RGCC: variants seen among roughly 807,000 people sequenced by gnomAD.
The protein encoded by RGCC is regulator of cell cycle RGCC.
Under a neutral mutation model 15.4 loss-of-function variants are expected in RGCC, and 15 were observed. The ratio of observed to expected loss-of-function variants is 0.97; its 90% CI spans 0.65 to 1.50. RGCC has a LOEUF of 1.50. Among genes scored for constraint, RGCC ranks in the 40% most tolerant of loss-of-function variants. RGCC has a pLI of 0.00. For missense variants in RGCC, 176 were observed against 189.7 expected, an observed-to-expected ratio of 0.93 and a Z score of 0.42; for synonymous variants, 81 against 78.0, an observed-to-expected ratio of 1.04 and a Z score of -0.20.
chr13:41,460,094 T>C (rs1040077710), intron 2 of RGCC, among the ~76,000 whole-genome samples: 5 of 152,220 alleles, frequency 3.3e-5, no homozygotes, highest in African/African-American at 1.2e-4. Flanking sequence ...GCTTAGGTTA[T>C]ATGTGTCTGT....
rs1044210898 is a variant in RGCC, at chr13:41,458,206, G to C, written c.50-79G>C. The C allele has an allele frequency of 3.1e-5, 38 of 1,207,006 alleles. No individual in the cohort carries two copies. The highest frequency in any genetic ancestry group is 4.1e-5 in the Non-Finnish European group (36 of 881,762). 74.8% of individuals were successfully genotyped at this position (1,207,006 alleles called of 1,614,324 possible). ...AGTGTCAGTTATCTTCGGGAACCGTGGCGGCCCCTCCTGGCCCTGGGAGGT... is the reference window on the plus strand; with the variant it reads ...AGTGTCAGTTATCTTCGGGAACCGTCGCGGCCCCTCCTGGCCCTGGGAGGT... On this transcript the variant is annotated intron_variant, in intron 1 of 4. Transcript: ENST00000379359. This position sits in a 1 kb window ranked among gnomAD's most constrained non-coding sequence, Gnocchi z 4.4.
intron 2 of RGCC, among the ~76,000 whole-genome samples, chr13:41,466,043 T>C (rs1263651128): frequency 1.3e-5 from 2 of 151,940 alleles, no homozygotes; most frequent in Non-Finnish European, 2.9e-5. Flanking sequence ...CAAGGGCCTT[T>C]GGTATACTTG....
intron 4 of RGCC, 48 bp from the exon 5 acceptor site, chr13:41,470,430 G>C (rs1011672609): frequency 1.2e-6 from 2 of 1,600,050 alleles, no homozygotes; most frequent in Non-Finnish European, 1.7e-6. Flanking sequence ...TTAAGCATAG[G>C]AATTGTGAGC....
chr13:41,459,503 G>C (rs113238957), intron 2 of RGCC, among the ~76,000 whole-genome samples: 1 of 152,070 alleles, frequency 6.6e-6, no homozygotes, highest in African/African-American at 2.4e-5. Context: ...GCTAAGATTC[G>C]GGGCTAGACA....
intron 2 of RGCC, among the ~76,000 whole-genome samples, chr13:41,461,782 C>T (rs1189280715): frequency 1.3e-5 from 2 of 152,190 alleles, no homozygotes; most frequent in East Asian, 3.9e-4. Flanking sequence ...ACCTTGTGGG[C>T]CCTGGAGAAC....
In RGCC at chr13:41,465,938, G is replaced by A. The variant is rs77309019; in HGVS notation, c.236-885G>A. 3.1e-3 allele frequency among the ~76,000 whole-genome samples: 474 copies of A among 152,156 alleles called. 4 individuals carry two copies. The highest frequency in any genetic ancestry group is 0.011 in the African/African-American group (457 of 41,488). ...AGAAGGGACATATTTCACTTGAGAT[G>A]ATTCCTTTTGCCTAAAATCCTTACC... On this transcript the variant is annotated intron_variant, in intron 2 of 4. Transcript: ENST00000379359.
At chr13:41,463,474 TGTGTGTGTGTGTG>T (rs2043831767) in intron 2 of RGCC, among the ~76,000 whole-genome samples, 1 of 858 alleles carries the variant, frequency 1.2e-3, no homozygotes, top group Non-Finnish European at 0.012. Context: ...TGTATCTGTG[TGTGTGTGTGTGTG>T]TGTGTGTGTG....
chr13:41,469,295 TAAGAAGAAGAAGAAGAAG>T (rs370476569), intron 4 of RGCC, among the ~76,000 whole-genome samples: 18 of 86,740 alleles, frequency 2.1e-4, no homozygotes, highest in African/African-American at 5.2e-4. Context: ...ATAATAATAA[TAAGAAGAAGAAGAAGAAG>T]AAGAAGAAGA....
In RGCC at chr13:41,462,760, C is replaced by T. The variant is rs562076702; in HGVS notation, c.236-4063C>T. Among the ~76,000 whole-genome samples, 21 of 152,314 alleles carry T rather than the reference C, an allele frequency of 1.4e-4. 1 individual carries two copies. In the South Asian group the frequency reaches 3.5e-3, roughly 26 times the overall value. ...AGGGGAGGGAAAAGAACAGGATGTC[C>T]GGCTTTGCCTACCTTGAAATCTGTC... On this transcript the variant is annotated intron_variant, in intron 2 of 4. Transcript: ENST00000379359.
In RGCC at chr13:41,457,823, C is replaced by T; in HGVS notation, c.49+67C>T. 1 of 1,351,640 alleles carries T rather than the reference C, an allele frequency of 7.4e-7. No individual in the cohort carries two copies. The highest frequency in any genetic ancestry group is 9.5e-7 in the Non-Finnish European group (1 of 1,051,510). 83.7% of individuals were successfully genotyped at this position (1,351,640 alleles called of 1,614,324 possible). Reference sequence around the variant, plus strand: ...CAGATGGCGGGTGAGAAAGGAGGGGCCCCGTGTCGTCCCTTCACACCCCCC... The same window carrying T: ...CAGATGGCGGGTGAGAAAGGAGGGGTCCCGTGTCGTCCCTTCACACCCCCC... On this transcript the variant is annotated intron_variant, in intron 1 of 4. Transcript: ENST00000379359. This position sits in a 1 kb window ranked among gnomAD's most constrained non-coding sequence, Gnocchi z 4.9.
chr13:41,457,977 G>C lies in RGCC; in HGVS notation c.49+221G>C, dbSNP rs1236350720. Among the ~76,000 whole-genome samples, 1 of 152,000 alleles carries C rather than the reference G, an allele frequency of 6.6e-6. No homozygotes were observed. Among genetic ancestry groups the C allele is most frequent in the Non-Finnish European group, 1.5e-5 (1 of 67,954 alleles). Reference sequence around the variant, plus strand: ...CACCACCAGCTCCGCGCGCGCCCGGGGTTGGGGGGAGCGGCGGGGACAGGT... The same window carrying C: ...CACCACCAGCTCCGCGCGCGCCCGGCGTTGGGGGGAGCGGCGGGGACAGGT... On this transcript the variant is annotated intron_variant, in intron 1 of 4. Coordinates refer to ENST00000379359, the MANE Select transcript of RGCC (RefSeq NM_014059.3). This position sits in a 1 kb window ranked among gnomAD's most constrained non-coding sequence, Gnocchi z 4.9.
At chr13:41,463,874 T>C (rs1021579076) in intron 2 of RGCC, among the ~76,000 whole-genome samples, 2 of 152,192 alleles carry the variant, frequency 1.3e-5, no homozygotes, top group African/African-American at 4.8e-5. Context: ...CATATCTAGA[T>C]TGTTCCTTCT....
intron 2 of RGCC, chr13:41,464,167 G>A (rs2043836531): frequency 6.6e-6 from 1 of 152,516 alleles, no homozygotes; most frequent in South Asian, 2.1e-4. Context: ...CAGGGATGGG[G>A]GCGAAGCTCT....
chr13:41,469,943 T>C (rs1357633967), intron 4 of RGCC, among the ~76,000 whole-genome samples: 2 of 152,006 alleles, frequency 1.3e-5, no homozygotes, highest in Non-Finnish European at 2.9e-5. Context: ...CTACGGGGGG[T>C]CCTGTTTAGT....
intron 3 of RGCC, 37 bp from the exon 4 acceptor site, chr13:41,468,739 T>C: frequency 5.9e-6 from 4 of 680,170 alleles, no homozygotes; most frequent in Non-Finnish European, 8.2e-6. Context: ...GAAACTGAAC[T>C]CTCTCTCTCT....
chr13:41,466,993 T>A, intron 3 of RGCC, 63 bp downstream of exon 3: 1 of 1,005,400 alleles, frequency 9.9e-7, no homozygotes, highest in Non-Finnish European at 1.6e-6. Flanking sequence ...TCTCAATCCC[T>A]TCTCTGTCCC....
rs373887955 is a variant in RGCC at position 41,461,814 on chromosome 13, T to C, written c.235+3344T>C. The stretch of plus-strand genomic sequence containing the variant: ...GAACCAGCATGACAGATGGCTTATG[T>C]GGCTTAGAAGCCACTGAGGTAGAAC... On this transcript the variant is annotated intron_variant, in intron 2 of 4. Coordinates refer to ENST00000379359, the MANE Select transcript of RGCC (RefSeq NM_014059.3). 1.6e-3 allele frequency among the ~76,000 whole-genome samples: 246 copies of C among 152,332 alleles called. 1 individual carries two copies. Among genetic ancestry groups the C allele is most frequent in the African/African-American group, 5.4e-3 (225 of 41,574 alleles).
In RGCC at chr13:41,458,564, C is replaced by G. The variant is rs1271728997; in HGVS notation, c.235+94C>G. The G allele has an allele frequency of 7.7e-7, 1 of 1,303,956 alleles. No individual in the cohort carries two copies. The highest frequency in any genetic ancestry group is 1.5e-5 in the African/African-American group (1 of 67,162). 80.8% of individuals were successfully genotyped at this position (1,303,956 alleles called of 1,614,324 possible). A position where few individuals can be genotyped will look rare whatever the true frequency, so the allele number is the denominator to read the frequency against. On this transcript the variant is annotated intron_variant, in intron 2 of 4. Transcript: ENST00000379359. This position sits in a 1 kb window ranked among gnomAD's most constrained non-coding sequence, Gnocchi z 4.4. ...CGGCCTCAGTTTTCTTATCAGTAAA[C>G]TGAGGAATGGTTTCCTGAAGCTCAA...
At chr13:41,468,276 A>G (rs993639946) in intron 3 of RGCC, among the ~76,000 whole-genome samples, 5 of 152,250 alleles carry the variant, frequency 3.3e-5, no homozygotes, top group Admixed American at 3.3e-4. Context: ...AGAATGCATC[A>G]GAAGGCTAGT....
Sources: allele counts gnomAD v4.1 joint callset (sites outside exome capture counted in the v4.1 genomes callset), GRCh38; gene constraint gnomAD v4.1.1; non-coding constraint Gnocchi (gnomAD v3.1); transcripts MANE v1.5; gene names NCBI Gene and HGNC (gene_info 2026-07-23, HGNC 2026-07-21).